Variants in PACRG observed in about 807,000 individuals in gnomAD.
The protein encoded by PACRG is parkin coregulated gene protein.
Under a neutral mutation model 29.7 loss-of-function variants are expected in PACRG, and 29 were observed. The ratio of observed to expected loss-of-function variants is 0.98; its 90% CI spans 0.73 to 1.33. PACRG has a LOEUF of 1.33. Ranked by LOEUF, PACRG falls within the 40% of genes most tolerant of loss-of-function variation. The pLI is 0.00. For synonymous variants in PACRG, 116 were observed against 118.7 expected (o/e 0.98, Z 0.15); for missense variants, 279 against 316.2 (o/e 0.88, Z 0.89).
At chr6:163,111,873 G>T (rs998381543) in intron 4 of PACRG, among the ~76,000 whole-genome samples, 7 of 152,150 alleles carry the variant, frequency 4.6e-5, no homozygotes, top group Admixed American at 1.3e-4. Context: ...CACATATTGT[G>T]TAAATCTAAT....
chr6:163,048,424 TGAA>T (rs1484928678), intron 2 of PACRG, among the ~76,000 whole-genome samples: 8 of 152,334 alleles, frequency 5.3e-5, no homozygotes, highest in Non-Finnish European at 1.2e-4. Context: ...AACATGATGT[TGAA>T]AAATTCTGGC....
chr6:162,901,978 C>T (rs1795594311), intron 2 of PACRG, among the ~76,000 whole-genome samples: 2 of 152,194 alleles, frequency 1.3e-5, no homozygotes, highest in Admixed American at 1.3e-4. Flanking sequence ...AAGAACAATG[C>T]CCAGGCGTAT....
intron 2 of PACRG, among the ~76,000 whole-genome samples, chr6:163,039,210 A>T (rs1808475190): frequency 6.6e-6 from 1 of 152,160 alleles, no homozygotes; most frequent in Non-Finnish European, 1.5e-5. Context: ...CTGCCAAGTA[A>T]GATGTGCCTT....
chr6:162,952,751 G>C (rs1046298693), intron 2 of PACRG, among the ~76,000 whole-genome samples: 2 of 152,164 alleles, frequency 1.3e-5, no homozygotes, highest in African/African-American at 2.4e-5. Flanking sequence ...ATCATCCTTA[G>C]TCTGGGAAGA....
At chr6:162,758,144 G>A (rs1455997093) in intron 1 of PACRG, among the ~76,000 whole-genome samples, 2 of 152,128 alleles carry the variant, frequency 1.3e-5, no homozygotes, top group Non-Finnish European at 2.9e-5. Context: ...TGGCTTGGGT[G>A]TCCAAATACT....
intron 2 of PACRG, among the ~76,000 whole-genome samples, chr6:162,979,695 G>T (rs984126728): frequency 6.6e-6 from 1 of 152,058 alleles, no homozygotes. Context: ...CACTTGAAAT[G>T]TTGGTATAAT....
chr6:162,740,293 A>G (rs1780476523), intron 1 of PACRG, among the ~76,000 whole-genome samples: 1 of 151,518 alleles, frequency 6.6e-6, no homozygotes, highest in South Asian at 2.1e-4. Flanking sequence ...TCAAGGTGCA[A>G]TTTGTGGGAC....
chr6:163,223,851 A>G (rs1469367450), intron 4 of PACRG, among the ~76,000 whole-genome samples: 1 of 152,220 alleles, frequency 6.6e-6, no homozygotes, highest in Non-Finnish European at 1.5e-5. Context: ...TTTTCTAAAC[A>G]GTGGATGAAA....
intron 2 of PACRG, among the ~76,000 whole-genome samples, chr6:162,915,523 T>C (rs1193788443): frequency 6.6e-6 from 1 of 152,086 alleles, no homozygotes; most frequent in Non-Finnish European, 1.5e-5. Context: ...ATACCTATTG[T>C]GATATTTTTA....
intron 4 of PACRG, among the ~76,000 whole-genome samples, chr6:163,152,370 T>C (rs1370214746): frequency 6.6e-6 from 1 of 152,232 alleles, no homozygotes; most frequent in Non-Finnish European, 1.5e-5. Context: ...GTCTTTGAAG[T>C]ACACCTTGAA....
At position 163,071,700 on chromosome 6, in the gene PACRG, G is replaced by GAAA. The variant is rs34031093; in HGVS notation, c.463+9388_463+9390dup. On this transcript the variant is annotated intron_variant, in intron 3 of 4. Coordinates refer to ENST00000366888, the MANE Select transcript of PACRG (RefSeq NM_001080379.2). ...AATAATAAAGACCAGATCTAAGTTA[G>GAAA]AAAAAAAAAAAGACCCAAATAAATA... Among the ~76,000 whole-genome samples, 98 of 140,808 alleles carry GAAA rather than the reference G, an allele frequency of 7.0e-4. 1 individual carries two copies. The highest frequency in any genetic ancestry group is 2.0e-3 in the East Asian group (10 of 4,926). 92.4% of individuals were successfully genotyped at this position (140,808 alleles called of 152,430 possible). A position where few individuals can be genotyped will look rare whatever the true frequency, so the allele number is the denominator to read the frequency against.
At chr6:162,817,470 T>C (rs1787456489) in intron 2 of PACRG, among the ~76,000 whole-genome samples, 1 of 152,188 alleles carries the variant, frequency 6.6e-6, no homozygotes, top group African/African-American at 2.4e-5. Flanking sequence ...AGGCTGCGTG[T>C]CATCGTCTCT....
chr6:162,878,665 T>C (rs1793576365), intron 2 of PACRG, among the ~76,000 whole-genome samples: 2 of 152,200 alleles, frequency 1.3e-5, no homozygotes, highest in African/African-American at 2.4e-5. Flanking sequence ...TAAAAAATAG[T>C]ACTAGGGAAA....
Position 163,269,750 on chromosome 6 carries a change from A to AAGAGAGAGAG in PACRG, c.614-45071_614-45062dup, listed in dbSNP as rs781619961. Among the ~76,000 whole-genome samples the AAGAGAGAGAG allele has an allele frequency of 1.2e-3, 96 of 82,430 alleles. 11 individuals are homozygous for AAGAGAGAGAG. Among genetic ancestry groups the AAGAGAGAGAG allele is most frequent in the Middle Eastern group, 7.5e-3 (1 of 134 alleles). 54.1% of individuals were successfully genotyped at this position (82,430 alleles called of 152,430 possible). A position where few individuals can be genotyped will look rare whatever the true frequency, so the allele number is the denominator to read the frequency against. On this transcript the variant is annotated intron_variant, in intron 4 of 4. Transcript: ENST00000366888. ...AATACCACTGAGGGGGAAAAGAAGA[A>AAGAGAGAGAG]AGAGAGAGAGAGAGACAGACAGACA...
At chr6:163,018,818 G>T (rs755749935) in intron 2 of PACRG, among the ~76,000 whole-genome samples, 2 of 152,028 alleles carry the variant, frequency 1.3e-5, no homozygotes, top group African/African-American at 2.4e-5. Context: ...TGAGCTTCTT[G>T]TTTGGGGCTA....
intron 1 of PACRG, among the ~76,000 whole-genome samples, chr6:162,751,275 A>G (rs1438635628): frequency 2.0e-5 from 3 of 152,168 alleles, no homozygotes; most frequent in Non-Finnish European, 4.4e-5. Context: ...GTAATAAAAA[A>G]TCAAAGAAGA....
At position 163,095,536 on chromosome 6, in the gene PACRG, T is replaced by C. The variant is rs1223305011; in HGVS notation, c.613+6128T>C. ...AGTTCTGGAGGCTACGAGTTAAAGA[T>C]CAAGGTGTGGACAGGGCCAGCTCTC... On this transcript the variant is annotated intron_variant, in intron 4 of 4. Coordinates refer to ENST00000366888, the MANE Select transcript of PACRG (RefSeq NM_001080379.2). The C allele has an allele frequency of 5.3e-6, 4 of 754,736 alleles. No individual in the cohort carries two copies. The South Asian group carries it at 2.4e-4, about 46-fold the overall frequency. The allele number at this position is 754,736 out of a possible 1,614,324, so 46.8% of individuals were successfully genotyped here.
chr6:162,831,903 T>C (rs929269209), intron 2 of PACRG, among the ~76,000 whole-genome samples: 1 of 152,220 alleles, frequency 6.6e-6, no homozygotes, highest in African/African-American at 2.4e-5. Flanking sequence ...TTATCAAGTT[T>C]ATCATTGATG....
At chr6:163,228,541 C>T (rs762225780) in intron 4 of PACRG, among the ~76,000 whole-genome samples, 10 of 152,160 alleles carry the variant, frequency 6.6e-5, no homozygotes, top group African/African-American at 9.6e-5. Flanking sequence ...CACGGGTGCA[C>T]GGCCATTAGA....
Sources: allele counts gnomAD v4.1 joint callset (sites outside exome capture counted in the v4.1 genomes callset), GRCh38; gene constraint gnomAD v4.1.1; transcripts MANE v1.5; gene names NCBI Gene and HGNC (gene_info 2026-07-23, HGNC 2026-07-21).